The following BICD1 variants were observed in gnomAD, a reference collection of about 807,000 sequenced individuals.
BICD1 encodes the protein protein bicaudal D homolog 1.
Under a neutral mutation model 92.5 loss-of-function variants are expected in BICD1, and 35 were observed. The observed-to-expected ratio is 0.38, with a 90% CI of 0.29 to 0.50. The LOEUF (loss-of-function observed/expected upper bound fraction) is 0.50. BICD1 is among the 20% of genes least tolerant of loss of function. BICD1 has a pLI of 0.93. For synonymous variants in BICD1, 429 were observed against 465.1 expected (o/e 0.92, Z 1.00); for missense variants, 950 against 1,189.8 (o/e 0.80, Z 2.97).
Position 32,255,917 on chromosome 12 carries a change from G to A in BICD1, c.427-38077G>A, listed in dbSNP as rs1408257428. On this transcript the variant is annotated intron_variant, in intron 2 of 9. Transcript: ENST00000652176. ...TATTACCCTTAATCAATGTTGACTC[G>A]ACATTAATAATAGAGCATATTAATG... Among the ~76,000 whole-genome samples the A allele has an allele frequency of 2.0e-5, 3 of 151,936 alleles. No individual in the cohort carries two copies. The East Asian group carries it at 5.8e-4, about 29-fold the overall frequency.
At position 32,216,237 on chromosome 12, in the gene BICD1, T is replaced by C. The variant is rs1945357141; in HGVS notation, c.214-10T>C. On this transcript the variant is annotated splice_polypyrimidine_tract_variant and intron_variant, in intron 1 of 9. Transcript: ENST00000652176. ...ATTGTGTACTCTTTTTCTTCCCATA[T>C]ACTCTGCAGGCATTTGGGCAGTCCT... 1.2e-6 allele frequency: 2 copies of C among 1,612,400 alleles called. No individual in the cohort carries two copies. Among genetic ancestry groups the C allele is most frequent in the South Asian group, 1.1e-5 (1 of 90,990 alleles).
chr12:32,298,975 T>C (rs1947959288), intron 3 of BICD1, among the ~76,000 whole-genome samples: 1 of 152,068 alleles, frequency 6.6e-6, no homozygotes, highest in Admixed American at 6.6e-5. Context: ...GGGGTATCTC[T>C]CTATGAGATC....
chr12:32,116,490 CTTTCTCTCTCTCTCTCTCTCTATATA>C (rs1332158045), intron 1 of BICD1, among the ~76,000 whole-genome samples: 7 of 123,508 alleles, frequency 5.7e-5, no homozygotes, highest in Admixed American at 1.6e-4. Context: ...CTCTCTCTCT[CTTTCTCTCTCTCTCTCTCTCTATATA>C]TATATATATA....
intron 2 of BICD1, among the ~76,000 whole-genome samples, chr12:32,286,010 G>A (rs1229470231): frequency 1.3e-5 from 2 of 152,134 alleles, no homozygotes; most frequent in African/African-American, 4.8e-5. Flanking sequence ...TTCTTCCTCT[G>A]GGCCTTGTGT....
At chr12:32,198,620 G>GT in intron 1 of BICD1, among the ~76,000 whole-genome samples, 1 of 148,318 alleles carries the variant, frequency 6.7e-6, no homozygotes, top group Non-Finnish European at 1.5e-5. Context: ...TTCCTCGTTA[G>GT]TTTTTTGGGC....
intron 5 of BICD1, among the ~76,000 whole-genome samples, chr12:32,334,043 T>C (rs1423017135): frequency 1.3e-5 from 2 of 152,226 alleles, no homozygotes. Flanking sequence ...CAATGGTGTA[T>C]GTCTTTTATT....
chr12:32,122,511 CAAAA>C (rs1942193450), intron 1 of BICD1, among the ~76,000 whole-genome samples: 1 of 149,780 alleles, frequency 6.7e-6, no homozygotes, highest in Non-Finnish European at 1.5e-5. Flanking sequence ...AAACAAATAA[CAAAA>C]AAAGAAGTAG....
intron 1 of BICD1, among the ~76,000 whole-genome samples, chr12:32,136,849 T>C (rs1942751897): frequency 6.6e-6 from 1 of 152,190 alleles, no homozygotes; most frequent in Non-Finnish European, 1.5e-5. Context: ...TAGAAGGATA[T>C]TCACCCATAC....
intron 3 of BICD1, among the ~76,000 whole-genome samples, chr12:32,298,343 C>CCT (rs1165806462): frequency 1.3e-5 from 2 of 150,592 alleles, no homozygotes; most frequent in African/African-American, 4.9e-5. Flanking sequence ...GGGCGGATCG[C>CCT]GAGGTCAGGA....
intron 4 of BICD1, among the ~76,000 whole-genome samples, chr12:32,318,065 G>T (rs1188885208): frequency 2.6e-5 from 4 of 151,320 alleles, no homozygotes; most frequent in Admixed American, 1.3e-4. Context: ...TGTTCCATTG[G>T]TCTATATCTC....
chr12:32,216,371 A>G lies in BICD1; in HGVS notation c.338A>G (p.Gln113Arg), dbSNP rs1444064999. The G allele has an allele frequency of 6.2e-7, 1 of 1,614,094 alleles. No homozygotes were observed. The highest frequency in any genetic ancestry group is 1.3e-5 in the African/African-American group (1 of 74,924). Residue 113 changes from glutamine (Q) to arginine (R), a missense_variant, in exon 2 of 10, where the codon CAG (glutamine) becomes CGG (arginine). Gln to Arg is a conservative substitution (Grantham distance 43). Coordinates refer to ENST00000652176, the MANE Select transcript of BICD1 (RefSeq NM_001714.4). The stretch of plus-strand genomic sequence containing the variant: ...TATCTGGGGAAGATCTTGGAGATGC[A>G]GAACGAGCTGAAACAGAGCCGGGCT... ...AYYLGKILEM[Q>R]NELKQSRAVV...
In BICD1 at chr12:32,107,143, G is replaced by A; in HGVS notation, c.-189G>A. On this transcript the variant is annotated 5_prime_UTR_variant, in exon 1 of 10. Transcript: ENST00000652176. ...CCCTGTTCTCCATGTTGCATTTCTC[G>A]TCAGTTTCTCGGGCGGTGTAGCTGC... 1.6e-6 allele frequency: 1 copy of A among 617,882 alleles called. No individual in the cohort carries two copies. Among genetic ancestry groups the A allele is most frequent in the Non-Finnish European group, 2.8e-6 (1 of 353,188 alleles). 38.3% of individuals were successfully genotyped at this position (617,882 alleles called of 1,614,324 possible).
intron 8 of BICD1, chr12:32,340,024 G>T: frequency 1.1e-6 from 1 of 925,996 alleles, no homozygotes; most frequent in South Asian, 5.0e-5. Context: ...TACCCAGCCT[G>T]CTATCCTCAT....
intron 2 of BICD1, among the ~76,000 whole-genome samples, chr12:32,255,327 C>G (rs1946687058): frequency 6.6e-6 from 1 of 152,134 alleles, no homozygotes; most frequent in African/African-American, 2.4e-5. Context: ...ACATTGGGAA[C>G]TGGGGCTTCA....
rs1303732321 is a variant in BICD1 at position 32,382,903 on chromosome 12, T to C, written c.*5276T>C. Reference sequence around the variant, plus strand: ...TGACTCATTGGGTTCATAGGTATGATTTGTGCAGCCAGTCTTAGAGGAAAT... The same window carrying C: ...TGACTCATTGGGTTCATAGGTATGACTTGTGCAGCCAGTCTTAGAGGAAAT... On this transcript the variant is annotated 3_prime_UTR_variant, in exon 10 of 10. Transcript: ENST00000652176. 6.6e-6 allele frequency: 1 copy of C among 152,074 alleles called. No individual in the cohort carries two copies. The highest frequency in any genetic ancestry group is 1.5e-5 in the Non-Finnish European group (1 of 67,944). The allele number at this position is 152,074 out of a possible 1,614,324, so 9.4% of individuals were successfully genotyped here.
intron 3 of BICD1, among the ~76,000 whole-genome samples, chr12:32,301,463 AT>A (rs1298832382): frequency 6.6e-6 from 1 of 152,100 alleles, no homozygotes; most frequent in Non-Finnish European, 1.5e-5. Context: ...TATAAATAGC[AT>A]TAAGTACAAG....
intron 1 of BICD1, among the ~76,000 whole-genome samples, chr12:32,116,395 C>T (rs1941890418): frequency 6.6e-6 from 1 of 151,632 alleles, no homozygotes. Context: ...CAGTTCTAGC[C>T]AAGATAGTCC....
At chr12:32,254,484 T>C (rs1008424617) in intron 2 of BICD1, among the ~76,000 whole-genome samples, 1 of 152,270 alleles carries the variant, frequency 6.6e-6, no homozygotes, top group Non-Finnish European at 1.5e-5. Context: ...AATTTAAATC[T>C]CTTAACAGGT....
chr12:32,338,802 C>T lies in BICD1; in HGVS notation c.2587C>T (p.Leu863Phe), dbSNP rs1273957172. ...TQRKRQFSPS[L>F]CDQSRPRTSG... is the part of the protein sequence containing the mutation. ...TCCTGCAAGACAATTTTCACCTTCC[C>T]TTTGTGATCAGAGCCGTCCCAGGAC... The change falls in exon 8 of 10, where the codon CTT becomes TTT. Residue 863 changes from leucine to phenylalanine, a missense_variant. By Grantham distance (22) the Leu-to-Phe change is conservative (BLOSUM62 0). Around this residue, in one of 5 missense-constraint regions of BICD1, gnomAD observed 179 missense variants for 186.7 expected, o/e 0.96. Coordinates refer to ENST00000652176, the MANE Select transcript of BICD1 (RefSeq NM_001714.4). The T allele has an allele frequency of 3.8e-6, 6 of 1,585,558 alleles. No individual in the cohort carries two copies. Among genetic ancestry groups the T allele is most frequent in the Non-Finnish European group, 4.3e-6 (5 of 1,169,778 alleles).
Sources: allele counts gnomAD v4.1 joint callset (sites outside exome capture counted in the v4.1 genomes callset), GRCh38; gene constraint gnomAD v4.1.1; regional missense constraint gnomAD v4.1.1; transcripts MANE v1.5; gene names NCBI Gene and HGNC (gene_info 2026-07-23, HGNC 2026-07-21).